The following PLXDC2 variants were observed in gnomAD, a reference collection of about 807,000 sequenced individuals.
PLXDC2 encodes the protein plexin domain-containing protein 2.
In PLXDC2, 40 loss-of-function variants were observed where a neutral mutation model predicts 68.9. The ratio of observed to expected loss-of-function variants is 0.58; its 90% confidence interval spans 0.45 to 0.76. The LOEUF (loss-of-function observed/expected upper bound fraction) is 0.76, where lower values mean the gene tolerates loss of function less well. Ranked by LOEUF, PLXDC2 falls within the 30% of genes least tolerant of loss-of-function variation. The pLI is 0.00. For synonymous variants in PLXDC2, 243 were observed against 234.2 expected, an observed-to-expected ratio of 1.04 and a Z score of -0.34; for missense variants, 644 against 661.9, an observed-to-expected ratio of 0.97 and a Z score of 0.30.
At chr10:20,263,251 A>C (rs1835831447) in intron 13 of PLXDC2, among the ~76,000 whole-genome samples, 1 of 152,166 alleles carries the variant, frequency 6.6e-6, no homozygotes, top group Non-Finnish European at 1.5e-5. Context: ...AAAATAAACA[A>C]TGGGGAAAAG....
At chr10:20,067,561 C>T (rs186988210) in intron 3 of PLXDC2, among the ~76,000 whole-genome samples, 32 of 152,024 alleles carry the variant, frequency 2.1e-4, no homozygotes, top group African/African-American at 7.2e-4. Context: ...GTGGCTGGCA[C>T]CTGTAATCCC....
intron 1 of PLXDC2, among the ~76,000 whole-genome samples, chr10:19,995,113 A>G (rs943731378): frequency 3.3e-5 from 5 of 152,174 alleles, no homozygotes; most frequent in African/African-American, 9.6e-5. Context: ...TTGATGGGAC[A>G]AAAAATATAA....
intron 12 of PLXDC2, among the ~76,000 whole-genome samples, chr10:20,226,813 T>C (rs918703558): frequency 6.6e-6 from 1 of 152,130 alleles, no homozygotes; most frequent in Non-Finnish European, 1.5e-5. Flanking sequence ...ATACCTACTT[T>C]CCTTTCAGTG....
intron 1 of PLXDC2, among the ~76,000 whole-genome samples, chr10:19,840,749 A>C (rs978964119): frequency 6.6e-6 from 1 of 152,154 alleles, no homozygotes; most frequent in Non-Finnish European, 1.5e-5. Flanking sequence ...TCATTATTGC[A>C]GTAAATATCA....
intron 2 of PLXDC2, among the ~76,000 whole-genome samples, chr10:20,012,303 C>CTCTCT (rs1835129350): frequency 1.2e-4 from 8 of 65,592 alleles, no homozygotes; most frequent in African/African-American, 5.3e-4. Flanking sequence ...CTCTCTCTCT[C>CTCTCT]TTTTTTATTT....
chr10:20,072,581 A>G (rs1836354763), intron 4 of PLXDC2, among the ~76,000 whole-genome samples: 1 of 150,086 alleles, frequency 6.7e-6, no homozygotes. Flanking sequence ...AATCTAGATG[A>G]CATCCAGCAA....
chr10:20,247,296 CAAAAAAAA>C (rs77665495), intron 13 of PLXDC2, among the ~76,000 whole-genome samples: 7 of 96,538 alleles, frequency 7.3e-5, no homozygotes, highest in Admixed American at 4.5e-4. Flanking sequence ...TTCATCTCTA[CAAAAAAAA>C]AAAAAAAGAA....
chr10:19,967,015 T>C (rs1156290131), intron 1 of PLXDC2, among the ~76,000 whole-genome samples: 1 of 152,196 alleles, frequency 6.6e-6, no homozygotes, highest in Non-Finnish European at 1.5e-5. Flanking sequence ...TGCTAACAGA[T>C]GGCAACCTCA....
intron 4 of PLXDC2, among the ~76,000 whole-genome samples, chr10:20,132,600 G>A (rs184249617): frequency 1.7e-4 from 26 of 151,890 alleles, no homozygotes; most frequent in Admixed American, 1.3e-3. Context: ...ATTGTCTCTT[G>A]TGGCAGTTTT....
At chr10:20,126,794 ACACGT>A (rs1833795479) in intron 4 of PLXDC2, among the ~76,000 whole-genome samples, 6 of 148,006 alleles carry the variant, frequency 4.1e-5, no homozygotes, top group African/African-American at 1.5e-4. Context: ...TATATAGAAC[ACACGT>A]TATATATGTA....
intron 1 of PLXDC2, among the ~76,000 whole-genome samples, chr10:19,889,041 A>T (rs957785290): frequency 2.6e-5 from 4 of 152,016 alleles, no homozygotes; most frequent in Non-Finnish European, 5.9e-5. Flanking sequence ...TAGAAAAAAA[A>T]TACCATTATC....
At chr10:20,177,943 A>G (rs1433313960) in intron 9 of PLXDC2, among the ~76,000 whole-genome samples, 9 of 152,226 alleles carry the variant, frequency 5.9e-5, no homozygotes, top group Middle Eastern at 3.4e-3. Flanking sequence ...CAGTAAGGCC[A>G]TTATCTGACA....
At chr10:20,196,015 A>G (rs542083912) in intron 9 of PLXDC2, among the ~76,000 whole-genome samples, 24 of 152,278 alleles carry the variant, frequency 1.6e-4, no homozygotes, top group African/African-American at 5.3e-4. Context: ...CTATTCAAGT[A>G]TAACGTTTGG....
At chr10:20,113,656 G>A (rs1833585918) in intron 4 of PLXDC2, among the ~76,000 whole-genome samples, 1 of 152,114 alleles carries the variant, frequency 6.6e-6, no homozygotes, top group African/African-American at 2.4e-5. Flanking sequence ...CACTTCAGCT[G>A]CATAAACAAT....
intron 1 of PLXDC2, among the ~76,000 whole-genome samples, chr10:19,903,805 T>C (rs1370955661): frequency 1.3e-5 from 2 of 152,136 alleles, no homozygotes; most frequent in Admixed American, 1.3e-4. Flanking sequence ...TCAGACTTTT[T>C]GATGTAGGCA....
At chr10:20,149,224 C>CTTTTTT (rs1554770079) in intron 6 of PLXDC2, among the ~76,000 whole-genome samples, 1 of 20,078 alleles carries the variant, frequency 5.0e-5, no homozygotes, top group Non-Finnish European at 1.1e-4. Flanking sequence ...CTTTTTTTTT[C>CTTTTTT]TTTTCTTTTT....
At chr10:20,043,670 C>G (rs1345129157) in intron 2 of PLXDC2, among the ~76,000 whole-genome samples, 1 of 152,020 alleles carries the variant, frequency 6.6e-6, no homozygotes, top group Admixed American at 6.6e-5. Flanking sequence ...AAGATTACAT[C>G]TTTAACCTCA....
chr10:19,869,723 C>G (rs1467687733), intron 1 of PLXDC2, among the ~76,000 whole-genome samples: 1 of 151,552 alleles, frequency 6.6e-6, no homozygotes, highest in Non-Finnish European at 1.5e-5. Flanking sequence ...TTATTTTTAT[C>G]TTATTTAACG....
Position 19,848,852 on chromosome 10 carries a change from C to CT in PLXDC2, c.112+31663dup, listed in dbSNP as rs1217361111. ...GGCAGGTTTTTTTAATGAACTCACTCTTCATCTCATGAAAAGAAGCTTTCA... is the reference window on the plus strand; with the variant it reads ...GGCAGGTTTTTTTAATGAACTCACTCTTTCATCTCATGAAAAGAAGCTTTCA... On this transcript the variant is annotated intron_variant, in intron 1 of 13. Transcript: ENST00000377252. Among the ~76,000 whole-genome samples, 9 of 152,150 alleles carry CT rather than the reference C, an allele frequency of 5.9e-5. No homozygotes were observed. The East Asian group carries it at 1.7e-3, about 29-fold the overall frequency.
Sources: gnomAD v4.1 joint callset for allele counts (sites outside exome capture counted in the v4.1 genomes callset) on GRCh38, gnomAD v4.1.1 for gene constraint, MANE v1.5 for transcripts, NCBI Gene and HGNC (gene_info 2026-07-23, HGNC 2026-07-21) for gene names.